Variants in CFDP1 observed in about 807,000 individuals in gnomAD.
The protein encoded by CFDP1 is heterochromatin-stabilizing protein CFDP1.
A neutral mutation model predicts 40.1 loss-of-function variants in CFDP1; 31 were observed. The ratio of observed to expected loss-of-function variants is 0.77; its 90% confidence interval spans 0.58 to 1.04. CFDP1 has a LOEUF of 1.04. CFDP1 is among the 50% of genes least tolerant of loss of function. The probability of loss-of-function intolerance (pLI) is 0.00; values close to 1 mark genes in which losing one functional copy is unlikely to be tolerated. For missense variants in CFDP1, 423 were observed against 343.4 expected, an observed-to-expected ratio of 1.23 and a Z score of -1.83; for synonymous variants, 167 against 120.0, an observed-to-expected ratio of 1.39 and a Z score of -2.56.
chr16:75,424,951 T>G (rs545312729), intron 1 of CFDP1, among the ~76,000 whole-genome samples: 2 of 152,152 alleles, frequency 1.3e-5, no homozygotes, highest in Admixed American at 6.6e-5. Flanking sequence ...TCCCACAGAA[T>G]CTACAAAAAC....
At chr16:75,411,485 A>G (rs1195154207) in intron 4 of CFDP1, among the ~76,000 whole-genome samples, 6 of 152,188 alleles carry the variant, frequency 3.9e-5, no homozygotes, top group South Asian at 2.1e-4. Context: ...TGAGACTTCA[A>G]TGGGGCTCAT....
intron 4 of CFDP1, among the ~76,000 whole-genome samples, chr16:75,404,971 C>G (rs964791824): frequency 6.6e-6 from 1 of 152,146 alleles, no homozygotes; most frequent in East Asian, 1.9e-4. Flanking sequence ...TGAATGGAAT[C>G]ATTTGTATAT....
chr16:75,373,209 C>A (rs1294288643), intron 5 of CFDP1, among the ~76,000 whole-genome samples: 1 of 152,154 alleles, frequency 6.6e-6, no homozygotes, highest in Non-Finnish European at 1.5e-5. Flanking sequence ...TCCCAAGCCA[C>A]GTTTTTGGAA....
At chr16:75,317,246 C>G (rs1260122972) in intron 5 of CFDP1, among the ~76,000 whole-genome samples, 1 of 152,216 alleles carries the variant, frequency 6.6e-6, no homozygotes, top group Non-Finnish European at 1.5e-5. Flanking sequence ...GCCGCCAGAC[C>G]TCTAAGGAAA....
intron 5 of CFDP1, among the ~76,000 whole-genome samples, chr16:75,334,651 C>G (rs1231490099): frequency 6.6e-6 from 1 of 151,994 alleles, no homozygotes; most frequent in African/African-American, 2.4e-5. Context: ...ACAAGCTAAA[C>G]CTTATGAAAT....
intron 1 of CFDP1, among the ~76,000 whole-genome samples, chr16:75,428,298 AAAG>A (rs1469841476): frequency 6.6e-6 from 1 of 152,202 alleles, no homozygotes; most frequent in Non-Finnish European, 1.5e-5. Flanking sequence ...TGCATTTACA[AAAG>A]AAGAACATAA....
At chr16:75,402,119 C>G (rs750452870) in intron 4 of CFDP1, among the ~76,000 whole-genome samples, 8 of 152,160 alleles carry the variant, frequency 5.3e-5, no homozygotes, top group Middle Eastern at 3.4e-3. Flanking sequence ...GACAGTATGC[C>G]TAGAACAACT....
chr16:75,347,728 AACTTT>A (rs1311169291), intron 5 of CFDP1, among the ~76,000 whole-genome samples: 1 of 152,200 alleles, frequency 6.6e-6, no homozygotes, highest in East Asian at 1.9e-4. Context: ...TTAAAGGGAA[AACTTT>A]ACAGTGGAGA....
rs928249990 is a variant in CFDP1, at chr16:75,411,858, G to C, written c.497C>G (p.Thr166Ser). The change falls in exon 4 of 7, where the codon ACC becomes AGC. Residue 166 changes from threonine to serine, a missense_variant. Thr to Ser is a moderately conservative substitution (Grantham distance 58). Transcript: ENST00000283882. ...TTCACCAGCAAAATCAAACACCTTG[G>C]TGATTTTAACTTTTTCTGTTTCTTT... Reference protein sequence around the residue: ...KPKETEKVKITKVFDFAGEEV... With the variant: ...KPKETEKVKISKVFDFAGEEV... 1 of 1,611,082 alleles carries C rather than the reference G, an allele frequency of 6.2e-7. No homozygotes were observed. Among genetic ancestry groups the C allele is most frequent in the African/African-American group, 1.3e-5 (1 of 74,806 alleles).
intron 5 of CFDP1, among the ~76,000 whole-genome samples, chr16:75,322,830 C>T (rs572048614): frequency 7.9e-5 from 12 of 151,534 alleles, no homozygotes; most frequent in African/African-American, 2.9e-4. Flanking sequence ...GGATACTTAA[C>T]CTGTGTATAA....
intron 4 of CFDP1, among the ~76,000 whole-genome samples, chr16:75,408,296 T>C (rs1321859886): frequency 6.6e-6 from 1 of 151,992 alleles, no homozygotes; most frequent in Non-Finnish European, 1.5e-5. Flanking sequence ...TGTTACACCC[T>C]GGCAGATCCC....
intron 5 of CFDP1, among the ~76,000 whole-genome samples, chr16:75,329,477 A>C (rs1485024996): frequency 2.0e-5 from 3 of 152,072 alleles, no homozygotes; most frequent in Non-Finnish European, 4.4e-5. Flanking sequence ...GGCTTAATTG[A>C]TCTTAGTCTC....
chr16:75,337,216 G>A (rs1177533911), intron 5 of CFDP1, among the ~76,000 whole-genome samples: 1 of 152,220 alleles, frequency 6.6e-6, no homozygotes, highest in Admixed American at 6.5e-5. Flanking sequence ...CAATGTGAGA[G>A]GGACTAAGTG....
At chr16:75,324,467 C>T (rs560832714) in intron 5 of CFDP1, among the ~76,000 whole-genome samples, 7 of 152,174 alleles carry the variant, frequency 4.6e-5, no homozygotes, top group African/African-American at 9.6e-5. Context: ...GCTGGCTGGG[C>T]GCGGTGGCTC....
Position 75,342,203 on chromosome 16 carries a change from T to C in CFDP1, c.651-37021A>G, listed in dbSNP as rs529909733. The stretch of plus-strand genomic sequence containing the variant: ...ACCCTCTGTTAACATCGAAGTTTAC[T>C]TTTTACTTTAAGATGTAGAGAACAC... On this transcript the variant is annotated intron_variant, in intron 5 of 6. Transcript: ENST00000283882. 5.3e-5 allele frequency among the ~76,000 whole-genome samples: 8 copies of C among 152,334 alleles called. No homozygotes were observed. The South Asian group carries it at 1.7e-3, about 32-fold the overall frequency.
intron 5 of CFDP1, among the ~76,000 whole-genome samples, chr16:75,357,232 T>TTTTAAA (rs2078650909): frequency 6.6e-6 from 1 of 151,928 alleles, no homozygotes; most frequent in African/African-American, 2.4e-5. Context: ...CTTCTTTCTT[T>TTTTAAA]TTTAAAATTA....
At chr16:75,409,540 G>A (rs1299845847) in intron 4 of CFDP1, 3 of 152,112 alleles carry the variant, frequency 2.0e-5, no homozygotes, top group Non-Finnish European at 4.4e-5. Context: ...AAAAGTACTG[G>A]TCTGCTATAG....
chr16:75,293,900 A>C lies in CFDP1; in HGVS notation c.*52T>G, dbSNP rs1445076011. The C allele has an allele frequency of 2.1e-6, 3 of 1,451,960 alleles. No homozygotes were observed. Among genetic ancestry groups the C allele is most frequent in the Non-Finnish European group, 2.9e-6 (3 of 1,035,570 alleles). The allele number at this position is 1,451,960 out of a possible 1,614,324, so 89.9% of individuals were successfully genotyped here. On this transcript the variant is annotated 3_prime_UTR_variant, in exon 7 of 7. Coordinates refer to ENST00000283882, the MANE Select transcript of CFDP1 (RefSeq NM_006324.3). The stretch of plus-strand genomic sequence containing the variant: ...CTGTAAAACATTTCACAGACGCACA[A>C]AAAGCTCACATTGTAAACAGGATTA...
At chr16:75,418,051 C>T (rs1015798278) in intron 1 of CFDP1, among the ~76,000 whole-genome samples, 3 of 151,726 alleles carry the variant, frequency 2.0e-5, no homozygotes, top group African/African-American at 7.3e-5. Context: ...GCCAGGAGTT[C>T]GAGACCAGTC....
Sources: gnomAD v4.1 joint callset for allele counts (sites outside exome capture counted in the v4.1 genomes callset) on GRCh38, gnomAD v4.1.1 for gene constraint, MANE v1.5 for transcripts, NCBI Gene and HGNC (gene_info 2026-07-23, HGNC 2026-07-21) for gene names.